The following RBPMS variants were observed in gnomAD, a reference collection of about 807,000 sequenced individuals.
RBPMS encodes the protein RNA binding protein, mRNA processing factor.
RBPMS carries 7 observed loss-of-function variants against 26.8 expected under a neutral mutation model. The observed-to-expected ratio is 0.26, with a 90% CI of 0.15 to 0.49. The LOEUF is 0.49. RBPMS is among the 20% of genes least tolerant of loss of function. RBPMS has a pLI of 0.98. For missense variants in RBPMS, 186 were observed against 250.0 expected, an observed-to-expected ratio of 0.74 and a Z score of 1.73; for synonymous variants, 96 against 93.3, an observed-to-expected ratio of 1.03 and a Z score of -0.17.
intron 1 of RBPMS, among the ~76,000 whole-genome samples, chr8:30,438,735 G>A (rs986693846): frequency 4.6e-5 from 7 of 151,992 alleles, no homozygotes; most frequent in Non-Finnish European, 7.4e-5. Flanking sequence ...AGTTCGCATC[G>A]TATCTATATA....
At chr8:30,559,067 ACCT>A (rs1264635452) in intron 7 of RBPMS, 111 bp downstream of exon 7, 2 of 848,502 alleles carry the variant, frequency 2.4e-6, no homozygotes, top group Non-Finnish European at 3.9e-6. Flanking sequence ...CACCTTATGC[ACCT>A]CCTTTGTCCA....
intron 4 of RBPMS, among the ~76,000 whole-genome samples, chr8:30,483,115 A>C (rs1405492324): frequency 6.6e-6 from 1 of 152,224 alleles, no homozygotes. Context: ...TTTATAAATA[A>C]GAATGATTTG....
chr8:30,517,732 A>C (rs1419853876), intron 5 of RBPMS, among the ~76,000 whole-genome samples: 3 of 152,250 alleles, frequency 2.0e-5, no homozygotes, highest in African/African-American at 7.2e-5. Context: ...GCAAGTGTTC[A>C]GTTGAAGTTA....
In RBPMS at chr8:30,572,181, A is replaced by G. The variant is rs1828280095; in HGVS notation, c.*1656A>G. 1 of 152,198 alleles carries G rather than the reference A, an allele frequency of 6.6e-6. No individual in the cohort carries two copies. Among genetic ancestry groups the G allele is most frequent in the Non-Finnish European group, 1.5e-5 (1 of 68,032 alleles). The allele number at this position is 152,198 out of a possible 1,614,324, so 9.4% of individuals were successfully genotyped here. On this transcript the variant is annotated 3_prime_UTR_variant, in exon 9 of 9. Transcript: ENST00000397323. ...AGGAAAATAGCCACTTCTGCAGTCT[A>G]TTATGCTTTTATAACTGTTTAAAGG...
intron 6 of RBPMS, among the ~76,000 whole-genome samples, chr8:30,549,302 C>T (rs1405294973): frequency 1.3e-5 from 2 of 152,194 alleles, no homozygotes; most frequent in African/African-American, 4.8e-5. Context: ...CCCCAGACTG[C>T]CTTGTCCTTG....
intron 1 of RBPMS, among the ~76,000 whole-genome samples, chr8:30,453,371 A>G (rs1026064827): frequency 6.6e-6 from 1 of 151,928 alleles, no homozygotes; most frequent in African/African-American, 2.4e-5. Context: ...TTGCTTTACA[A>G]CTCTTTATAA....
At chr8:30,569,506 AGGCAC>A (rs1461793489) in intron 8 of RBPMS, among the ~76,000 whole-genome samples, 1 of 152,162 alleles carries the variant, frequency 6.6e-6, no homozygotes, top group Non-Finnish European at 1.5e-5. Context: ...AAGTAAGAAC[AGGCAC>A]GGCACGCTCT....
intron 4 of RBPMS, among the ~76,000 whole-genome samples, chr8:30,490,479 A>G (rs926718691): frequency 6.7e-6 from 1 of 149,244 alleles, no homozygotes; most frequent in Non-Finnish European, 1.5e-5. Flanking sequence ...TTTTTTTTTG[A>G]GACGGAGTCT....
intron 1 of RBPMS, among the ~76,000 whole-genome samples, chr8:30,449,879 C>T (rs1406456141): frequency 1.3e-5 from 2 of 152,192 alleles, no homozygotes; most frequent in African/African-American, 4.8e-5. Context: ...CCTTCAGGGC[C>T]AGATTCTACA....
intron 4 of RBPMS, among the ~76,000 whole-genome samples, chr8:30,481,303 A>G (rs1818244475): frequency 6.6e-6 from 1 of 151,436 alleles, no homozygotes; most frequent in African/African-American, 2.5e-5. Flanking sequence ...TTTTGTTTTA[A>G]TGTTTAAATG....
intron 1 of RBPMS, among the ~76,000 whole-genome samples, chr8:30,415,110 C>G (rs1301101184): frequency 6.6e-6 from 1 of 152,186 alleles, no homozygotes; most frequent in Non-Finnish European, 1.5e-5. Context: ...AAATGATCCC[C>G]TTATCCCCAC....
Position 30,544,656 on chromosome 8 carries a change from C to T in RBPMS, c.528+32C>T, listed in dbSNP as rs781516256. ...GATACCCATCGGCCAGGACTTCACT[C>T]ACTTCACCACCAGTCCTTTCAAACT... On this transcript the variant is annotated intron_variant, in intron 6 of 8. Coordinates refer to ENST00000397323, the MANE Select transcript of RBPMS (RefSeq NM_001008710.3). 17 of 1,612,646 alleles carry T rather than the reference C, an allele frequency of 1.1e-5. No homozygotes were observed. The Admixed American group carries it at 2.8e-4, about 27-fold the overall frequency.
chr8:30,389,399 G>T (rs948981933), intron 1 of RBPMS, among the ~76,000 whole-genome samples: 7 of 152,226 alleles, frequency 4.6e-5, no homozygotes, highest in African/African-American at 1.7e-4. Context: ...CTCTTCTGGA[G>T]ATGGTTTCAC....
intron 1 of RBPMS, among the ~76,000 whole-genome samples, chr8:30,407,949 A>G (rs1808844135): frequency 6.6e-6 from 1 of 150,654 alleles, no homozygotes; most frequent in African/African-American, 2.4e-5. Flanking sequence ...CCTTAGGCCC[A>G]TATCTCTCAG....
intron 7 of RBPMS, among the ~76,000 whole-genome samples, chr8:30,562,774 C>G (rs540398620): frequency 2.1e-5 from 3 of 144,444 alleles, no homozygotes; most frequent in African/African-American, 7.4e-5. Flanking sequence ...CCCCATCTTG[C>G]TTTCCCAGCA....
At chr8:30,449,395 CAG>C (rs1357022132) in intron 1 of RBPMS, among the ~76,000 whole-genome samples, 16 of 118,536 alleles carry the variant, frequency 1.3e-4, no homozygotes, top group Admixed American at 2.0e-4. Context: ...TTTTTTGAGA[CAG>C]AGTGAGACTC....
chr8:30,544,385 A>G (rs1384752536), intron 5 of RBPMS, 109 bp from the exon 6 acceptor site: 10 of 1,090,790 alleles, frequency 9.2e-6, no homozygotes, highest in Non-Finnish European at 1.4e-5. Flanking sequence ...AATGAGAGTA[A>G]TTTGACTTCC....
chr8:30,384,812 C>T lies in RBPMS; in HGVS notation c.-281C>T, dbSNP rs948040959. On this transcript the variant is annotated 5_prime_UTR_variant, in exon 1 of 9. Transcript: ENST00000397323. The surrounding 1 kb of genome is among the most constrained non-coding windows in gnomAD (Gnocchi z 5.6). ...GCCCTCCCTCTCCAGGTCGCCCTCCCGGGGCCCGATTGTCTCGGTGCCCCG... is the reference window on the plus strand; with the variant it reads ...GCCCTCCCTCTCCAGGTCGCCCTCCTGGGGCCCGATTGTCTCGGTGCCCCG... The T allele has an allele frequency of 1.7e-5, 5 of 302,380 alleles. No individual in the cohort carries two copies. The highest frequency in any genetic ancestry group is 6.7e-5 in the African/African-American group (3 of 45,068). 18.7% of individuals were successfully genotyped at this position (302,380 alleles called of 1,614,324 possible).
chr8:30,524,948 C>G (rs1410448489), intron 5 of RBPMS, among the ~76,000 whole-genome samples: 1 of 152,094 alleles, frequency 6.6e-6, no homozygotes, highest in African/African-American at 2.4e-5. Flanking sequence ...CAAGTTTAGT[C>G]TATCATACCA....
Sources: gnomAD v4.1 joint callset for allele counts (sites outside exome capture counted in the v4.1 genomes callset) on GRCh38, gnomAD v4.1.1 for gene constraint, Gnocchi (gnomAD v3.1) non-coding constraint, MANE v1.5 for transcripts, NCBI Gene and HGNC (gene_info 2026-07-23, HGNC 2026-07-21) for gene names.